The following CYFIP2 variants were observed in gnomAD, a reference collection of about 807,000 sequenced individuals.
CYFIP2 encodes the protein cytoplasmic FMR1-interacting protein 2.
A neutral mutation model predicts 158.7 loss-of-function variants in CYFIP2; 29 were observed. That is an observed-to-expected ratio of 0.18 (90% CI 0.14 to 0.25). The LOEUF (loss-of-function observed/expected upper bound fraction) is 0.25. Among genes scored for constraint, CYFIP2 ranks in the 10% least tolerant of loss-of-function variants. CYFIP2 has a pLI of 1.00. For missense variants in CYFIP2, 852 were observed against 1,639.5 expected, an observed-to-expected ratio of 0.52 and a Z score of 8.29; for synonymous variants, 585 against 617.6, an observed-to-expected ratio of 0.95 and a Z score of 0.78.
chr5:157,287,139 T>C, intron 3 of CYFIP2, 31 bp downstream of exon 3: 1 of 1,593,910 alleles, frequency 6.3e-7, no homozygotes, highest in East Asian at 2.2e-5. Context: ...TGTGCAGACA[T>C]GCTCCCTGCT....
At chr5:157,386,499 A>G (rs1016172737) in intron 28 of CYFIP2, among the ~76,000 whole-genome samples, 2 of 152,222 alleles carry the variant, frequency 1.3e-5, no homozygotes, top group Non-Finnish European at 2.9e-5. Context: ...ACACGGATCA[A>G]CTTTCCTTGA....
Position 157,330,765 on chromosome 5 carries a change from G to A in CYFIP2, c.2180G>A (p.Arg727Gln), listed in dbSNP as rs765425949. The A allele has an allele frequency of 4.3e-6, 7 of 1,613,788 alleles. No individual in the cohort carries two copies. Among genetic ancestry groups the A allele is most frequent in the African/African-American group, 4.0e-5 (3 of 74,886 alleles). Residue 727 changes from arginine to glutamine, a missense_variant, in exon 20 of 31, where the codon CGA (arginine) becomes CAA (glutamine). By Grantham distance (43) the Arg-to-Gln change is conservative. Transcript: ENST00000620254. The stretch of plus-strand genomic sequence containing the variant: ...AGTGTCCTGTTGGATAAACGTTTTC[G>A]AGCTGAGTGTAAGAATTATGGCGTC... ...AGSVLLDKRF[R>Q]AECKNYGVII... is the part of the protein sequence containing the mutation.
At chr5:157,349,191 G>A (rs1405003008) in intron 23 of CYFIP2, among the ~76,000 whole-genome samples, 1 of 152,058 alleles carries the variant, frequency 6.6e-6, no homozygotes, top group Non-Finnish European at 1.5e-5. Context: ...TAATTCTTTA[G>A]TGGTGATTTC....
chr5:157,269,251 A>G (rs1368625302), intron 1 of CYFIP2: 1 of 152,022 alleles, frequency 6.6e-6, no homozygotes, highest in Non-Finnish European at 1.5e-5. Context: ...CTTAAGTAGC[A>G]CAAGAGAGGT....
At chr5:157,387,724 T>G (rs1254156629) in intron 28 of CYFIP2, among the ~76,000 whole-genome samples, 1 of 151,836 alleles carries the variant, frequency 6.6e-6, no homozygotes, top group East Asian at 1.9e-4. Context: ...ACTATGGCAA[T>G]CTGAGCAGTT....
intron 26 of CYFIP2, among the ~76,000 whole-genome samples, chr5:157,377,302 C>T (rs541073884): frequency 9.9e-5 from 15 of 152,226 alleles, no homozygotes; most frequent in African/African-American, 3.1e-4. Flanking sequence ...TCACTTTCCT[C>T]TAGCACTGAA....
chr5:157,276,924 C>T (rs189434957), intron 1 of CYFIP2: 1 of 151,340 alleles, frequency 6.6e-6, no homozygotes, highest in Admixed American at 6.6e-5. Context: ...TGAAAAGTGG[C>T]AAAAAAGAGA....
chr5:157,365,786 C>CTCTGTCATTCAACATTAAATT, intron 26 of CYFIP2, among the ~76,000 whole-genome samples: 1 of 146,226 alleles, frequency 6.8e-6, no homozygotes, highest in Non-Finnish European at 1.5e-5. Context: ...CCTTTCTGAC[C>CTCTGTCATTCAACATTAAATT]TCTGTCATTC....
intron 1 of CYFIP2, among the ~76,000 whole-genome samples, chr5:157,284,808 T>A (rs576509172): frequency 6.6e-6 from 1 of 152,206 alleles, no homozygotes; most frequent in Non-Finnish European, 1.5e-5. Flanking sequence ...TTTGCAGGAA[T>A]TGAGTTATTT....
chr5:157,331,024 T>C (rs1174445653), intron 20 of CYFIP2, among the ~76,000 whole-genome samples, 174 bp downstream of exon 20: 1 of 152,140 alleles, frequency 6.6e-6, no homozygotes, highest in Non-Finnish European at 1.5e-5. Flanking sequence ...TAAAGAGGCA[T>C]TGGGCTTCCT....
At chr5:157,380,984 G>A (rs1440916930) in intron 26 of CYFIP2, among the ~76,000 whole-genome samples, 3 of 152,348 alleles carry the variant, frequency 2.0e-5, no homozygotes, top group East Asian at 3.9e-4. Context: ...GTAGGCCAAG[G>A]CAGGCAGATC....
chr5:157,278,122 TAA>T (rs1166260607), intron 1 of CYFIP2, among the ~76,000 whole-genome samples: 1 of 151,938 alleles, frequency 6.6e-6, no homozygotes, highest in Non-Finnish European at 1.5e-5. Context: ...AGGAACAACC[TAA>T]ATCTCCCTTT....
At chr5:157,366,464 G>C (rs1361396793) in intron 26 of CYFIP2, among the ~76,000 whole-genome samples, 1 of 152,170 alleles carries the variant, frequency 6.6e-6, no homozygotes, top group East Asian at 1.9e-4. Context: ...GCTATCCTCT[G>C]AAAGTTTTAG....
chr5:157,317,901 C>A (rs1213312756), intron 13 of CYFIP2, among the ~76,000 whole-genome samples: 4 of 152,092 alleles, frequency 2.6e-5, no homozygotes, highest in Non-Finnish European at 5.9e-5. Context: ...CTCTTCTTTC[C>A]AATCTGCATG....
intron 28 of CYFIP2, chr5:157,385,008 T>G (rs1045500083): frequency 2.7e-5 from 4 of 149,346 alleles, no homozygotes; most frequent in African/African-American, 1.0e-4. Flanking sequence ...GAGAGAGAAC[T>G]CAGATACTGT....
At chr5:157,368,467 C>T (rs1764642986) in intron 26 of CYFIP2, among the ~76,000 whole-genome samples, 1 of 152,134 alleles carries the variant, frequency 6.6e-6, no homozygotes, top group Non-Finnish European at 1.5e-5. Context: ...GCCCAAGAAG[C>T]GTGTCCTGTC....
intron 21 of CYFIP2, 38 bp from the exon 22 acceptor site, chr5:157,339,018 AG>A: frequency 6.4e-7 from 1 of 1,569,144 alleles, no homozygotes; most frequent in Non-Finnish European, 8.7e-7. Context: ...AATGCTTACA[AG>A]CAAGTCCTCA....
At position 157,382,694 on chromosome 5, in the gene CYFIP2, A is replaced by G. The variant is rs1248631773; in HGVS notation, c.3112+32A>G. On this transcript the variant is annotated intron_variant, in intron 27 of 30. Coordinates refer to ENST00000620254, the MANE Select transcript of CYFIP2 (RefSeq NM_001037333.3). ...AACCACTACAGCAGCTGAATAGCCA[A>G]CTGGCGTTTGAACCTTATTCTCACT... 8 of 1,605,732 alleles carry G rather than the reference A, an allele frequency of 5.0e-6. No homozygotes were observed. In the African/African-American group the frequency reaches 6.7e-5, roughly 13 times the overall value.
At chr5:157,372,525 C>T (rs116168377) in intron 26 of CYFIP2, among the ~76,000 whole-genome samples, 412 of 152,220 alleles carry the variant, frequency 2.7e-3, no homozygotes, top group African/African-American at 9.4e-3. Context: ...AGGGGTTAAA[C>T]CAGACAAGGT....
Sources: allele counts gnomAD v4.1 joint callset (sites outside exome capture counted in the v4.1 genomes callset), GRCh38; gene constraint gnomAD v4.1.1; transcripts MANE v1.5; gene names NCBI Gene and HGNC (gene_info 2026-07-23, HGNC 2026-07-21).